Variants in SLC2A13 observed in about 807,000 individuals in gnomAD.
SLC2A13 encodes the protein solute carrier family 2 member 13, also known as proton myo-inositol cotransporter.
SLC2A13 carries 32 observed loss-of-function variants against 64.4 expected under a neutral mutation model. That is an observed-to-expected ratio of 0.50 (90% CI 0.37 to 0.67). The LOEUF (loss-of-function observed/expected upper bound fraction) is 0.67, where lower values mean the gene tolerates loss of function less well. SLC2A13 is among the 30% of genes least tolerant of loss of function. The pLI, the probability that SLC2A13 is intolerant of heterozygous loss-of-function variation, is 0.00. For missense variants in SLC2A13, 743 were observed against 829.2 expected (o/e 0.90, Z 1.28); for synonymous variants, 338 against 327.1 (o/e 1.03, Z -0.36).
At chr12:39,812,357 CTTTTCTTTTCTTTT>C (rs1942192750) in intron 7 of SLC2A13, among the ~76,000 whole-genome samples, 1 of 140,390 alleles carries the variant, frequency 7.1e-6, no homozygotes, top group African/African-American at 2.8e-5. Flanking sequence ...CTTTTCTTTT[CTTTTCTTTTCTTTT>C]CTTTTCTTTT....
chr12:39,853,076 T>C (rs1284044922), intron 6 of SLC2A13, among the ~76,000 whole-genome samples: 2 of 152,228 alleles, frequency 1.3e-5, no homozygotes, highest in African/African-American at 4.8e-5. Context: ...GCTTTGTTTG[T>C]ATGTTTTGTC....
At chr12:40,024,820 C>A (rs1371183110) in intron 3 of SLC2A13, among the ~76,000 whole-genome samples, 3 of 152,078 alleles carry the variant, frequency 2.0e-5, no homozygotes, top group African/African-American at 4.8e-5. Flanking sequence ...AAAAAACAGA[C>A]CTTGGAGTTA....
intron 2 of SLC2A13, among the ~76,000 whole-genome samples, chr12:40,033,583 T>G (rs1192911169): frequency 6.6e-6 from 1 of 152,100 alleles, no homozygotes; most frequent in African/African-American, 2.4e-5. Context: ...AAATCAAAAC[T>G]CCCTAAGAGC....
intron 9 of SLC2A13, among the ~76,000 whole-genome samples, chr12:39,761,251 A>T (rs560922129): frequency 2.4e-4 from 30 of 126,840 alleles, no homozygotes; most frequent in African/African-American, 6.5e-4. Flanking sequence ...ATTAAGTAAA[A>T]TAAGGGGGCT....
At chr12:40,063,181 A>G (rs1396830938) in intron 1 of SLC2A13, among the ~76,000 whole-genome samples, 2 of 152,124 alleles carry the variant, frequency 1.3e-5, no homozygotes, top group Non-Finnish European at 2.9e-5. Context: ...TAGAAATGGG[A>G]CAAATCCATA....
chr12:39,917,819 G>A (rs1945545918), intron 4 of SLC2A13, among the ~76,000 whole-genome samples: 1 of 151,856 alleles, frequency 6.6e-6, no homozygotes, highest in African/African-American at 2.4e-5. Context: ...CTGTTTCTCT[G>A]AACAACCCTC....
chr12:39,896,503 T>TAC (rs1944903561), intron 4 of SLC2A13, among the ~76,000 whole-genome samples: 2 of 146,508 alleles, frequency 1.4e-5, no homozygotes, highest in East Asian at 2.3e-4. Flanking sequence ...CACATATATG[T>TAC]ATGTACATGT....
intron 4 of SLC2A13, among the ~76,000 whole-genome samples, chr12:39,938,491 T>C (rs982180984): frequency 4.3e-5 from 5 of 115,340 alleles, no homozygotes; most frequent in African/African-American, 1.3e-4. Flanking sequence ...ATACAGTAAA[T>C]ATTGGTTGAA....
At chr12:39,953,548 A>T (rs1230826841) in intron 3 of SLC2A13, among the ~76,000 whole-genome samples, 1 of 152,206 alleles carries the variant, frequency 6.6e-6, no homozygotes, top group East Asian at 1.9e-4. Context: ...AATTGGCTGA[A>T]TGTTCATAAG....
intron 4 of SLC2A13, among the ~76,000 whole-genome samples, chr12:39,917,084 C>T (rs1298121827): frequency 6.6e-6 from 1 of 152,072 alleles, no homozygotes; most frequent in East Asian, 1.9e-4. Context: ...CAAACACGGT[C>T]CCTTTTCTCC....
intron 3 of SLC2A13, among the ~76,000 whole-genome samples, chr12:40,012,510 A>T (rs527635595): frequency 6.6e-6 from 1 of 152,360 alleles, no homozygotes; most frequent in East Asian, 1.9e-4. Context: ...ACAGAAGGTC[A>T]GAATGTGTGT....
At position 39,970,927 on chromosome 12, in the gene SLC2A13, G is replaced by T. The variant is rs1946636499; in HGVS notation, c.926-19562C>A. Among the ~76,000 whole-genome samples the T allele has an allele frequency of 3.9e-5, 6 of 152,050 alleles. No individual in the cohort carries two copies. The South Asian group carries it at 1.2e-3, about 32-fold the overall frequency. On this transcript the variant is annotated intron_variant, in intron 3 of 9. Transcript: ENST00000280871. ...CCCCCTTGTGAACAATAAGAATCAT[G>T]TAACGGACTGCATTTTTCTTTCCGG... is the stretch of plus-strand genomic sequence containing the variant.
chr12:40,057,779 A>C (rs1043362219), intron 1 of SLC2A13, among the ~76,000 whole-genome samples: 14 of 152,108 alleles, frequency 9.2e-5, no homozygotes, highest in Admixed American at 8.5e-4. Flanking sequence ...TTTACACAAA[A>C]ATTTCTGCTT....
chr12:40,002,295 T>A (rs1321611539), intron 3 of SLC2A13, among the ~76,000 whole-genome samples: 1 of 152,034 alleles, frequency 6.6e-6, no homozygotes, highest in Middle Eastern at 3.2e-3. Context: ...GAGACAATAG[T>A]GAAGTTAAGT....
At chr12:39,814,796 T>C (rs767795247) in intron 7 of SLC2A13, among the ~76,000 whole-genome samples, 1 of 151,992 alleles carries the variant, frequency 6.6e-6, no homozygotes, top group Non-Finnish European at 1.5e-5. Flanking sequence ...TGTCACAATA[T>C]GCATTATCAC....
Position 39,926,811 on chromosome 12 carries a change from C to T in SLC2A13, c.1034+24446G>A, listed in dbSNP as rs183635397. ...TTTAATTTTTGTAGAGACAGGGTCT[C>T]CCTTTGTTGCCCAGGCTGGTCTTGA... On this transcript the variant is annotated intron_variant, in intron 4 of 9. Coordinates refer to ENST00000280871, the MANE Select transcript of SLC2A13 (RefSeq NM_052885.4). Among the ~76,000 whole-genome samples, 379 of 152,156 alleles carry T rather than the reference C, an allele frequency of 2.5e-3. 1 individual carries two copies. The highest frequency in any genetic ancestry group is 1.2e-3 in the South Asian group (6 of 4,820).
At chr12:39,788,254 CAAT>C (rs755819492) in intron 7 of SLC2A13, among the ~76,000 whole-genome samples, 1 of 152,104 alleles carries the variant, frequency 6.6e-6, no homozygotes, top group Admixed American at 6.5e-5. Flanking sequence ...AAGAGATTAA[CAAT>C]AATAACTAAT....
chr12:39,987,627 TG>T, intron 3 of SLC2A13, among the ~76,000 whole-genome samples: 1 of 152,348 alleles, frequency 6.6e-6, no homozygotes, highest in South Asian at 2.1e-4. Context: ...ATTTATACAC[TG>T]TTTTTTCTTA....
At chr12:40,050,116 T>C (rs1208737456) in intron 1 of SLC2A13, among the ~76,000 whole-genome samples, 1 of 152,224 alleles carries the variant, frequency 6.6e-6, no homozygotes, top group Non-Finnish European at 1.5e-5. Flanking sequence ...AAACATCTGC[T>C]GCAAATGTTG....
Sources: allele counts gnomAD v4.1 joint callset (sites outside exome capture counted in the v4.1 genomes callset), GRCh38; gene constraint gnomAD v4.1.1; transcripts MANE v1.5; gene names NCBI Gene and HGNC (gene_info 2026-07-23, HGNC 2026-07-21).